The following PITPNM2 variants were observed in gnomAD, a reference collection of about 807,000 sequenced individuals.
PITPNM2 encodes the protein membrane-associated phosphatidylinositol transfer protein 2.
Under a neutral mutation model 132.2 loss-of-function variants are expected in PITPNM2, and 35 were observed. That is an observed-to-expected ratio of 0.26 (90% confidence interval 0.20 to 0.35). The LOEUF is 0.35. Among genes scored for constraint, PITPNM2 ranks in the 10% least tolerant of loss-of-function variants. The probability of loss-of-function intolerance (pLI) is 1.00; values close to 1 mark genes in which losing one functional copy is unlikely to be tolerated. For missense variants in PITPNM2, 1,332 were observed against 1,912.0 expected, an observed-to-expected ratio of 0.70 and a Z score of 5.66; for synonymous variants, 738 against 799.2, an observed-to-expected ratio of 0.92 and a Z score of 1.29.
intron 2 of PITPNM2, among the ~76,000 whole-genome samples, chr12:123,050,572 G>A (rs922812727): frequency 6.6e-6 from 1 of 152,206 alleles, no homozygotes; most frequent in African/African-American, 2.4e-5. Flanking sequence ...AAGGGAGCAA[G>A]CAGGCAGAGC....
Position 122,988,857 on chromosome 12 carries a change from C to A in PITPNM2, c.2747G>T (p.Trp916Leu). The change falls in exon 19 of 26, where the codon TGG becomes TTG. Residue 916 changes from tryptophan (W) to leucine (L), a missense_variant. Around this residue, in one of 6 missense-constraint regions of PITPNM2, gnomAD observed 710 missense variants for 911.5 expected, o/e 0.78. Coordinates refer to ENST00000320201, the MANE Select transcript of PITPNM2 (RefSeq NM_020845.3). Reference sequence around the variant, plus strand: ...GGCGTAGTCGATCCGCTTCTGGCCCCACCACTTTGCAGCGACTGCCAGGAG... The same window carrying A: ...GGCGTAGTCGATCCGCTTCTGGCCCAACCACTTTGCAGCGACTGCCAGGAG... ...LDIGEVAAKW[W>L]GQKRIDYALY... is the part of the protein sequence containing the mutation. The A allele has an allele frequency of 6.4e-7, 1 of 1,568,400 alleles. No homozygotes were observed. Among genetic ancestry groups the A allele is most frequent in the Non-Finnish European group, 8.6e-7 (1 of 1,156,302 alleles).
chr12:123,053,080 T>C (rs2040915143), intron 2 of PITPNM2, among the ~76,000 whole-genome samples: 1 of 152,056 alleles, frequency 6.6e-6, no homozygotes. Context: ...AGACAGGGTC[T>C]CCCTATGTTG....
At position 122,992,658 on chromosome 12, in the gene PITPNM2, G is replaced by A. The variant is rs781465787; in HGVS notation, c.2245C>T (p.Arg749Trp). 5.8e-6 allele frequency: 9 copies of A among 1,559,344 alleles called. No individual in the cohort carries two copies. Among genetic ancestry groups the A allele is most frequent in the South Asian group, 3.6e-5 (3 of 83,968 alleles). The change falls in exon 16 of 26, where the codon CGG (arginine) becomes TGG (tryptophan). Residue 749 changes from arginine (R) to tryptophan (W), a missense_variant. By Grantham distance (101) the Arg-to-Trp change is moderately radical (BLOSUM62 -3). Coordinates refer to ENST00000320201, the MANE Select transcript of PITPNM2 (RefSeq NM_020845.3). This position sits in a 1 kb window ranked among gnomAD's most constrained non-coding sequence, Gnocchi z 6.5. ...TTGTAGACTTGCTGGCAGGCCGGCC[G>A]CAGCTGGAAAACTGGGGGTGGGGGT... Reference protein sequence around the residue: ...VIPALDVFQLRPACQQVYNLF... With the variant: ...VIPALDVFQLWPACQQVYNLF...
At chr12:123,134,101 T>C (rs1406630930) in intron 1 of PITPNM2, among the ~76,000 whole-genome samples, 2 of 152,214 alleles carry the variant, frequency 1.3e-5, no homozygotes, top group African/African-American at 4.8e-5. Context: ...AGTCTCGCTC[T>C]GTTGCCCAGG....
At position 123,077,961 on chromosome 12, in the gene PITPNM2, T is replaced by A. The variant is rs867077839; in HGVS notation, c.-96+32424A>T. 2.6e-5 allele frequency among the ~76,000 whole-genome samples: 4 copies of A among 151,836 alleles called. No homozygotes were observed. The South Asian group carries it at 6.3e-4, about 24-fold the overall frequency. ...CAGGGGGCCGCCCCCAGCACGCAGC[T>A]CTCCCAGCAGCCCATGCCTGGAGAC... On this transcript the variant is annotated intron_variant, in intron 2 of 25. Coordinates refer to ENST00000320201, the MANE Select transcript of PITPNM2 (RefSeq NM_020845.3). This position sits in a 1 kb window ranked among gnomAD's most constrained non-coding sequence, Gnocchi z 4.8.
intron 3 of PITPNM2, among the ~76,000 whole-genome samples, chr12:123,018,732 T>C (rs978164004): frequency 6.6e-6 from 1 of 151,614 alleles, no homozygotes; most frequent in Non-Finnish European, 1.5e-5. Context: ...TACAGGCTGG[T>C]ACAGGTTCCT....
chr12:123,059,288 C>T (rs2041150491), intron 2 of PITPNM2, among the ~76,000 whole-genome samples: 1 of 152,218 alleles, frequency 6.6e-6, no homozygotes, highest in Admixed American at 6.5e-5. Flanking sequence ...TGCCCCTTTC[C>T]GTAGCAGCAC....
At chr12:123,006,215 A>G (rs546805686) in intron 6 of PITPNM2, 2 of 152,234 alleles carry the variant, frequency 1.3e-5, no homozygotes, top group South Asian at 2.1e-4. Flanking sequence ...AGTGTCTGCT[A>G]TATTTTTCCT....
chr12:123,021,814 G>A, intron 3 of PITPNM2: 1 of 640,232 alleles, frequency 1.6e-6, no homozygotes, highest in South Asian at 7.0e-5. Context: ...TGTGGTCTCT[G>A]ATAAGTTAAC....
At chr12:122,986,595 C>T (rs1416595372) in intron 24 of PITPNM2, 31 bp from the exon 25 acceptor site, 4 of 1,599,530 alleles carry the variant, frequency 2.5e-6, no homozygotes, top group Non-Finnish European at 3.4e-6. Flanking sequence ...GCACAGGCAC[C>T]ATGGTCCCTC....
At chr12:123,049,166 C>CA (rs2040777347) in intron 2 of PITPNM2, among the ~76,000 whole-genome samples, 2 of 149,986 alleles carry the variant, frequency 1.3e-5, no homozygotes, top group African/African-American at 4.9e-5. Flanking sequence ...ACACACACAC[C>CA]CCTCCTACAA....
chr12:123,020,744 G>A (rs1218697766), intron 3 of PITPNM2, among the ~76,000 whole-genome samples: 1 of 152,002 alleles, frequency 6.6e-6, no homozygotes, highest in Non-Finnish European at 1.5e-5. Context: ...GTCAGTGGGC[G>A]AGGCACAGTG....
At chr12:123,066,514 G>A (rs1164691413) in intron 2 of PITPNM2, among the ~76,000 whole-genome samples, 3 of 152,166 alleles carry the variant, frequency 2.0e-5, no homozygotes, top group African/African-American at 7.2e-5. Context: ...CACAGCTGTT[G>A]GGGGTGGGGG....
intron 1 of PITPNM2, among the ~76,000 whole-genome samples, chr12:123,113,315 G>C (rs1253137515): frequency 6.6e-6 from 1 of 152,212 alleles, no homozygotes; most frequent in Non-Finnish European, 1.5e-5. Context: ...ACTGTCCAGA[G>C]TGCTGACAAC....
In PITPNM2 at chr12:122,994,206, T is replaced by C. The variant is rs2038320583; in HGVS notation, c.2233+595A>G. On this transcript the variant is annotated intron_variant, in intron 15 of 25. Coordinates refer to ENST00000320201, the MANE Select transcript of PITPNM2 (RefSeq NM_020845.3). This position sits in a 1 kb window ranked among gnomAD's most constrained non-coding sequence, Gnocchi z 5.4. ...ATTTTTAACCTGCACTTGGCAAGCA[T>C]CTAAACCTCTCTGAGCCTCAGTTTC... Among the ~76,000 whole-genome samples the C allele has an allele frequency of 6.6e-6, 1 of 152,212 alleles. No homozygotes were observed. The highest frequency in any genetic ancestry group is 2.4e-5 in the African/African-American group (1 of 41,444).
In PITPNM2 at chr12:123,079,350, CTTTTTTTTTTT is replaced by C. The variant is rs139205213; in HGVS notation, c.-96+31024_-96+31034del. 2.6e-3 allele frequency among the ~76,000 whole-genome samples: 140 copies of C among 53,830 alleles called. 3 individuals are homozygous for C. Among genetic ancestry groups the C allele is most frequent in the East Asian group, 0.023 (29 of 1,268 alleles). The allele number at this position is 53,830 out of a possible 152,430, so 35.3% of individuals were successfully genotyped here. A position where few individuals can be genotyped will look rare whatever the true frequency, so the allele number is the denominator to read the frequency against. Reference sequence around the variant, plus strand: ...TTCACTTCTTTTTCTTTTTTCTTTTCTTTTTTTTTTTTTTTTTTTTTTTTTTTTTTGAGACA... The same window carrying C: ...TTCACTTCTTTTTCTTTTTTCTTTTCTTTTTTTTTTTTTTTTTTTGAGACA... On this transcript the variant is annotated intron_variant, in intron 2 of 25. Transcript: ENST00000320201.
intron 1 of PITPNM2, among the ~76,000 whole-genome samples, chr12:123,147,775 G>A (rs2043647651): frequency 6.6e-6 from 1 of 152,144 alleles, no homozygotes; most frequent in Admixed American, 6.5e-5. Context: ...TGCAAATCCA[G>A]GGAAACTTGG....
At chr12:123,140,015 C>T (rs2043469981) in intron 1 of PITPNM2, among the ~76,000 whole-genome samples, 1 of 152,226 alleles carries the variant, frequency 6.6e-6, no homozygotes, top group Non-Finnish European at 1.5e-5. Flanking sequence ...CCCTGGCACC[C>T]CACAGGCTGG....
chr12:123,018,018 TCCTTCCTTCCTTCCTTCCTCCCTC>T (rs2039501176), intron 3 of PITPNM2, among the ~76,000 whole-genome samples: 1 of 140,382 alleles, frequency 7.1e-6, no homozygotes, highest in African/African-American at 2.8e-5. Flanking sequence ...CTTCCTTCCT[TCCTTCCTTCCTTCCTTCCTCCCTC>T]CCTCCCTCCC....
Sources: allele counts gnomAD v4.1 joint callset (sites outside exome capture counted in the v4.1 genomes callset), GRCh38; gene constraint gnomAD v4.1.1; regional missense constraint gnomAD v4.1.1; non-coding constraint Gnocchi (gnomAD v3.1); transcripts MANE v1.5; gene names NCBI Gene and HGNC (gene_info 2026-07-23, HGNC 2026-07-21).